Variants in RARB observed in about 807,000 individuals in gnomAD.
The protein encoded by RARB is retinoic acid receptor beta, also known as HBV-activated protein.
Under a neutral mutation model 51.9 loss-of-function variants are expected in RARB, and 17 were observed. That is an observed-to-expected ratio of 0.33 (90% confidence interval 0.22 to 0.49). The LOEUF (loss-of-function observed/expected upper bound fraction) is 0.49. Ranked by LOEUF, RARB falls within the 20% of genes least tolerant of loss-of-function variation. The probability of loss-of-function intolerance (pLI) is 0.99; values close to 1 mark genes in which losing one functional copy is unlikely to be tolerated. For synonymous variants in RARB, 215 were observed against 195.4 expected, an observed-to-expected ratio of 1.10 and a Z score of -0.84; for missense variants, 369 against 550.8, an observed-to-expected ratio of 0.67 and a Z score of 3.30.
chr3:24,930,117 C>T (rs1458019186), intron 2 of RARB, among the ~76,000 whole-genome samples: 1 of 151,630 alleles, frequency 6.6e-6, no homozygotes, highest in East Asian at 1.9e-4. Flanking sequence ...GGTCATACTG[C>T]CAAAAAACAT....
intron 5 of RARB, among the ~76,000 whole-genome samples, chr3:25,261,744 T>C (rs1301434473): frequency 1.3e-5 from 2 of 152,188 alleles, no homozygotes; most frequent in African/African-American, 4.8e-5. Flanking sequence ...TTCATCTCCC[T>C]GGTCACCTAC....
chr3:25,204,063 C>T (rs1300429920), intron 5 of RARB, among the ~76,000 whole-genome samples: 16 of 152,198 alleles, frequency 1.1e-4, no homozygotes, highest in South Asian at 2.1e-4. Context: ...CTTTCGGGTA[C>T]ACCAATCAGA....
At chr3:25,313,297 A>G (rs1487173944) in intron 5 of RARB, among the ~76,000 whole-genome samples, 1 of 151,950 alleles carries the variant, frequency 6.6e-6, no homozygotes, top group Non-Finnish European at 1.5e-5. Flanking sequence ...ACCCAAACAA[A>G]CATGCATATG....
intron 3 of RARB, among the ~76,000 whole-genome samples, chr3:25,545,605 G>T (rs1413553792): frequency 1.3e-5 from 2 of 152,176 alleles, no homozygotes; most frequent in African/African-American, 4.8e-5. Flanking sequence ...AGCGGGTAAA[G>T]CCTTGGGGCC....
chr3:25,306,675 G>A (rs322690), intron 5 of RARB, among the ~76,000 whole-genome samples: 151,898 of 152,348 alleles, frequency 1, 75,725 homozygotes, highest in Middle Eastern at 1. Context: ...TATAGTTCAT[G>A]TGAAGTTCGC....
chr3:25,231,899 G>T (rs981613016), intron 5 of RARB, among the ~76,000 whole-genome samples: 2 of 152,058 alleles, frequency 1.3e-5, no homozygotes, highest in South Asian at 2.1e-4. Flanking sequence ...CAGAGCAAAA[G>T]CTCCTAATTT....
chr3:25,271,452 C>T (rs1413799913), intron 5 of RARB, among the ~76,000 whole-genome samples: 1 of 152,194 alleles, frequency 6.6e-6, no homozygotes, highest in Non-Finnish European at 1.5e-5. Context: ...AAAATTTAGT[C>T]ACGTTCCTTG....
At chr3:25,055,923 T>G (rs961053879) in intron 2 of RARB, among the ~76,000 whole-genome samples, 1 of 152,124 alleles carries the variant, frequency 6.6e-6, no homozygotes, top group Non-Finnish European at 1.5e-5. Context: ...TGGGGACATG[T>G]GGGCAGTGCT....
At chr3:25,399,195 G>A (rs1707200899) in intron 5 of RARB, among the ~76,000 whole-genome samples, 1 of 152,164 alleles carries the variant, frequency 6.6e-6, no homozygotes, top group Admixed American at 6.5e-5. Context: ...AACCCCCTGG[G>A]CTTGCTGGCT....
At position 25,083,274 on chromosome 3, in the gene RARB, G is replaced by A. The variant is rs773473069; in HGVS notation, c.-328+23098G>A. Among the ~76,000 whole-genome samples, 83 of 151,910 alleles carry A rather than the reference G, an allele frequency of 5.5e-4. 2 individuals are homozygous for A. Among genetic ancestry groups the A allele is most frequent in the Admixed American group, 3.9e-4 (6 of 15,248 alleles). On this transcript the variant is annotated intron_variant, in intron 3 of 11. Transcript: ENST00000383772. Reference sequence around the variant, plus strand: ...TTACCAAATCTGTCTTTTCTTAGGGGATCCTAATTGCATGTATGGTAACCT... The same window carrying A: ...TTACCAAATCTGTCTTTTCTTAGGGAATCCTAATTGCATGTATGGTAACCT...
rs142093863 is a variant in RARB at position 24,832,010 on chromosome 3, T to G, written c.-459+2607T>G. Among the ~76,000 whole-genome samples the G allele has an allele frequency of 6.9e-3, 1,045 of 152,328 alleles. 10 individuals carry two copies. Among genetic ancestry groups the G allele is most frequent in the African/African-American group, 0.024 (989 of 41,584 alleles). ...AAACAAAATTATTTCAGCAGAAACTTAAGTTATTAACATCTTAAGACAATC... is the reference window on the plus strand; with the variant it reads ...AAACAAAATTATTTCAGCAGAAACTGAAGTTATTAACATCTTAAGACAATC... On this transcript the variant is annotated intron_variant, in intron 1 of 11. Coordinates refer to the RARB transcript ENST00000383772.
intron 5 of RARB, among the ~76,000 whole-genome samples, chr3:25,333,425 G>C (rs553739665): frequency 1.3e-5 from 2 of 152,274 alleles, no homozygotes; most frequent in East Asian, 3.9e-4. Flanking sequence ...AAGAAATGGG[G>C]AAAGGATTCC....
Position 25,200,918 on chromosome 3 carries a change from G to A in RARB, c.178+26343G>A, listed in dbSNP as rs193157378. On this transcript the variant is annotated intron_variant, in intron 5 of 11. Coordinates refer to the RARB transcript ENST00000383772. ...TCTTTTGGCTTAGGATTGACTTGGC[G>A]ATGCAGGCTCTTTTTTGGTTCCATA... 7.4e-3 allele frequency among the ~76,000 whole-genome samples: 1,127 copies of A among 152,234 alleles called. 7 individuals are homozygous for A. The highest frequency in any genetic ancestry group is 0.013 in the Non-Finnish European group (880 of 67,980).
chr3:25,213,383 C>T (rs760252885), intron 5 of RARB, among the ~76,000 whole-genome samples: 2 of 151,876 alleles, frequency 1.3e-5, no homozygotes, highest in Non-Finnish European at 2.9e-5. Context: ...TCATATTGTC[C>T]TATGTAGCTA....
intron 5 of RARB, among the ~76,000 whole-genome samples, chr3:25,330,547 C>T (rs1443618577): frequency 6.6e-6 from 1 of 152,118 alleles, no homozygotes; most frequent in Admixed American, 6.5e-5. Flanking sequence ...CCAGTACCAG[C>T]CACTAAAAAA....
At chr3:25,201,871 G>A (rs1296882758) in intron 5 of RARB, among the ~76,000 whole-genome samples, 5 of 149,998 alleles carry the variant, frequency 3.3e-5, no homozygotes, top group African/African-American at 5.0e-5. Flanking sequence ...ATGTTCATCA[G>A]GGATATTGGT....
At chr3:25,400,486 A>G (rs2116701) in intron 5 of RARB, among the ~76,000 whole-genome samples, 134,945 of 152,098 alleles carry the variant, frequency 0.89, 60,074 homozygotes, top group East Asian at 1. Context: ...TGAGGTTTCG[A>G]AGAAAGAAGG....
chr3:25,479,106 T>C (rs1342430915), intron 2 of RARB, among the ~76,000 whole-genome samples: 3 of 152,114 alleles, frequency 2.0e-5, no homozygotes, highest in Middle Eastern at 6.8e-3. Context: ...ATTCTGTACA[T>C]ATTTCTAAGG....
intron 3 of RARB, among the ~76,000 whole-genome samples, chr3:25,522,830 C>T (rs537320380): frequency 6.6e-6 from 1 of 152,138 alleles, no homozygotes; most frequent in South Asian, 2.1e-4. Flanking sequence ...ATGTTATGGC[C>T]CTAGGTGCTT....
Sources: gnomAD v4.1 joint callset for allele counts (sites outside exome capture counted in the v4.1 genomes callset) on GRCh38, gnomAD v4.1.1 for gene constraint, MANE v1.5 for transcripts, NCBI Gene and HGNC (gene_info 2026-07-23, HGNC 2026-07-21) for gene names.